EP300: variants seen among roughly 807,000 people sequenced by gnomAD.
EP300 encodes the protein histone acetyltransferase p300.
EP300 carries 31 observed loss-of-function variants against 264.0 expected under a neutral mutation model. The observed-to-expected ratio is 0.12, with a 90% CI of 0.09 to 0.16. The LOEUF is 0.16. Ranked by LOEUF, EP300 falls within the 10% of genes least tolerant of loss-of-function variation. The probability of loss-of-function intolerance (pLI) is 1.00; values close to 1 mark genes in which losing one functional copy is unlikely to be tolerated. For missense variants in EP300, 2,766 were observed against 3,052.9 expected (o/e 0.91, Z 2.21); for synonymous variants, 1,340 against 1,045.4 (o/e 1.28, Z -5.44).
In EP300 at chr22:41,117,230, A is replaced by G. The variant is rs748236841; in HGVS notation, c.138A>G (p.Glu46=). 6.2e-7 allele frequency: 1 copy of G among 1,614,208 alleles called. No homozygotes were observed. Among genetic ancestry groups the G allele is most frequent in the South Asian group, 1.1e-5 (1 of 91,084 alleles). ...LFDLEHDLPD[E]LINSTELGLT... is the part of the protein sequence containing the mutation. The stretch of plus-strand genomic sequence containing the variant: ...ACTTGGAGCACGACTTACCAGATGA[A>G]TTAATCAACTCTACAGAATTGGGAC... The change falls in exon 2 of 31, where the codon GAA becomes GAG. Residue 46 remains glutamate (E), a synonymous_variant. Coordinates refer to ENST00000263253, the MANE Select transcript of EP300 (RefSeq NM_001429.4).
intron 5 of EP300, among the ~76,000 whole-genome samples, chr22:41,130,892 A>G (rs1458395671): frequency 6.6e-6 from 1 of 152,110 alleles, no homozygotes; most frequent in Non-Finnish European, 1.5e-5. Context: ...TTAAGCTTTT[A>G]GGGTTAAAGG....
chr22:41,146,699 A>G, intron 10 of EP300, 40 bp from the exon 11 acceptor site: 2 of 1,583,722 alleles, frequency 1.3e-6, no homozygotes, highest in Non-Finnish European at 1.7e-6. Context: ...TGGTTAAGGG[A>G]AGATGGTGCA....
rs139130083 is a variant in EP300 at position 41,117,742 on chromosome 22, A to G, written c.650A>G (p.Asn217Ser). 6.3e-5 allele frequency: 102 copies of G among 1,614,260 alleles called. 2 individuals are homozygous for G. Among genetic ancestry groups the G allele is most frequent in the South Asian group, 4.8e-4 (44 of 91,090 alleles). Residue 217 changes from asparagine to serine, a missense_variant, in exon 2 of 31, where the codon AAC becomes AGC. Coordinates refer to ENST00000263253, the MANE Select transcript of EP300 (RefSeq NM_001429.4). ...AACCCAGGCATGGGAAGTGCTGGCA[A>G]CTTACTGACTGAGCCTCTTCAGCAG... ...YPNPGMGSAG[N>S]LLTEPLQQGS...
chr22:41,113,160 C>CCCA (rs1555905070), intron 1 of EP300, among the ~76,000 whole-genome samples: 1 of 135,680 alleles, frequency 7.4e-6, no homozygotes, highest in African/African-American at 2.7e-5. Context: ...GGATTCCACC[C>CCCA]CCCCCCCAAC....
intron 10 of EP300, among the ~76,000 whole-genome samples, chr22:41,145,133 A>G (rs1175163148): frequency 1.3e-5 from 2 of 152,226 alleles, no homozygotes; most frequent in African/African-American, 2.4e-5. Context: ...AAAGTTACTC[A>G]TATCTTAGGT....
At chr22:41,148,015 C>G in intron 12 of EP300, 69 bp downstream of exon 12, 1 of 1,081,298 alleles carries the variant, frequency 9.2e-7, no homozygotes, top group East Asian at 2.4e-5. Flanking sequence ...TTTGTTCCTA[C>G]TTTATAAATT....
At chr22:41,095,049 T>G (rs1393270278) in intron 1 of EP300, among the ~76,000 whole-genome samples, 1 of 152,112 alleles carries the variant, frequency 6.6e-6, no homozygotes, top group African/African-American at 2.4e-5. Context: ...TTATCTTAGT[T>G]ACTTTTCTAA....
chr22:41,170,653 C>CTT lies in EP300; in HGVS notation c.4452+107_4452+108dup, dbSNP rs35506286. ...TGCTGCTCTTTGTTCTGTCATTTAA[C>CTT]TTTTTTTTTTTTTTTTTTTTTTTTT... On this transcript the variant is annotated intron_variant, in intron 27 of 30. Transcript: ENST00000263253. The CTT allele has an allele frequency of 0.043, 16,321 of 381,154 alleles. 426 individuals carry two copies. The highest frequency in any genetic ancestry group is 0.085 in the African/African-American group (2,677 of 31,394). The allele number at this position is 381,154 out of a possible 1,614,324, so 23.6% of individuals were successfully genotyped here.
Position 41,176,438 on chromosome 22 carries a change from G to T in EP300, c.4971G>T (p.Glu1657Asp), listed in dbSNP as rs140500249. Residue 1657 changes from glutamate (E) to aspartate (D), a missense_variant, in exon 30 of 31, where the codon GAG (glutamate) becomes GAT (aspartate). Coordinates refer to ENST00000263253, the MANE Select transcript of EP300 (RefSeq NM_001429.4). ...GGTCCACCATGTGCATGCTGGTGGA[G>T]CTGCACACGCAGAGCCAGGACCGCT... Reference protein sequence around the residue: ...AQWSTMCMLVELHTQSQDRFV... With the variant: ...AQWSTMCMLVDLHTQSQDRFV... 1.9e-6 allele frequency: 3 copies of T among 1,614,194 alleles called. No homozygotes were observed. The highest frequency in any genetic ancestry group is 1.7e-6 in the Non-Finnish European group (2 of 1,180,022).
intron 19 of EP300, chr22:41,159,580 A>G (rs1212385425): frequency 2.0e-5 from 3 of 152,224 alleles, no homozygotes; most frequent in Non-Finnish European, 4.4e-5. Context: ...GCCATCTTTA[A>G]TCAGGTACCT....
intron 1 of EP300, among the ~76,000 whole-genome samples, chr22:41,111,738 C>G (rs1324153375): frequency 6.6e-6 from 1 of 151,750 alleles, no homozygotes; most frequent in African/African-American, 2.4e-5. Context: ...CGGGGTTTCT[C>G]CATGTTGCTC....
At chr22:41,166,706 T>C (rs187157772) in intron 23 of EP300, 40 bp downstream of exon 23, 17 of 1,412,182 alleles carry the variant, frequency 1.2e-5, no homozygotes, top group South Asian at 5.9e-5. Flanking sequence ...GCAAAACTTA[T>C]CTGAAGCCTA....
rs1039566025 is a variant in EP300 at position 41,179,394 on chromosome 22, A to G, written c.*438A>G. 8.9e-5 allele frequency: 18 copies of G among 202,806 alleles called. No individual in the cohort carries two copies. The highest frequency in any genetic ancestry group is 1.0e-5 in the Non-Finnish European group (1 of 99,220). The allele number at this position is 202,806 out of a possible 1,614,324, so 12.6% of individuals were successfully genotyped here. ...CCTCACTTTATGGAAGAGTTAAAAC[A>G]TTTCTAAACCAGAGGACAAAAGGGG... On this transcript the variant is annotated 3_prime_UTR_variant, in exon 31 of 31. Transcript: ENST00000263253.
chr22:41,165,412 A>G (rs2059128759), intron 22 of EP300, among the ~76,000 whole-genome samples: 1 of 152,148 alleles, frequency 6.6e-6, no homozygotes, highest in Non-Finnish European at 1.5e-5. Flanking sequence ...TTGTACATAC[A>G]ATCATACATT....
chr22:41,153,719 A>T (rs1018888406), intron 16 of EP300, among the ~76,000 whole-genome samples: 6 of 152,202 alleles, frequency 3.9e-5, no homozygotes, highest in Admixed American at 2.0e-4. Flanking sequence ...GCGCCACTGC[A>T]CTCCAGCCTG....
Position 41,113,196 on chromosome 22 carries a change from C to T in EP300, c.95-3991C>T, listed in dbSNP as rs932491806. 4.7e-5 allele frequency among the ~76,000 whole-genome samples: 6 copies of T among 127,826 alleles called. No homozygotes were observed. In the South Asian group the frequency reaches 1.1e-3, roughly 23 times the overall value. The allele number at this position is 127,826 out of a possible 152,430, so 83.9% of individuals were successfully genotyped here. ...TTATGCTATGGATTTGTTGGAGAAA[C>T]TGGGACATTCCATATCCTATATGAT... On this transcript the variant is annotated intron_variant, in intron 1 of 30. Coordinates refer to ENST00000263253, the MANE Select transcript of EP300 (RefSeq NM_001429.4).
At chr22:41,104,565 C>T (rs1177489545) in intron 1 of EP300, among the ~76,000 whole-genome samples, 1 of 152,136 alleles carries the variant, frequency 6.6e-6, no homozygotes, top group Non-Finnish European at 1.5e-5. Context: ...GCTGGGGTTA[C>T]AGGCGTGAGC....
intron 19 of EP300, chr22:41,159,739 A>G (rs907834147): frequency 3.3e-5 from 5 of 152,290 alleles, no homozygotes; most frequent in East Asian, 1.9e-4. Flanking sequence ...CAGTGGCGCA[A>G]TCTTAGCTCA....
At chr22:41,139,662 C>T (rs1214917732) in intron 8 of EP300, among the ~76,000 whole-genome samples, 4 of 152,278 alleles carry the variant, frequency 2.6e-5, no homozygotes, top group Middle Eastern at 3.4e-3. Flanking sequence ...AGAATCATTA[C>T]GCATTTCTGG....
Sources: gnomAD v4.1 joint callset for allele counts (sites outside exome capture counted in the v4.1 genomes callset) on GRCh38, gnomAD v4.1.1 for gene constraint, MANE v1.5 for transcripts, NCBI Gene and HGNC (gene_info 2026-07-23, HGNC 2026-07-21) for gene names.